MYO7B: variants seen among roughly 807,000 people sequenced by gnomAD.
MYO7B encodes unconventional myosin-VIIb.
A neutral mutation model predicts 259.7 loss-of-function variants in MYO7B; 212 were observed. The ratio of observed to expected loss-of-function variants is 0.82; its 90% CI spans 0.73 to 0.91. The LOEUF is 0.91. MYO7B is among the 40% of genes least tolerant of loss of function. The pLI is 0.00. For missense variants in MYO7B, 2,732 were observed against 2,813.5 expected (o/e 0.97, Z 0.66); for synonymous variants, 1,197 against 1,166.4 (o/e 1.03, Z -0.54).
chr2:127,607,527 C>G lies in MYO7B; in HGVS notation c.2643+103C>G. ...CTGTGTAGAGAGCTCACCAGAAGCG[C>G]TTTGGAAAATCCCCCCGCCCCCGCC... On this transcript the variant is annotated intron_variant, in intron 21 of 47. Coordinates refer to ENST00000409816, the MANE Select transcript of MYO7B (RefSeq NM_001393586.1). This position sits in a 1 kb window ranked among gnomAD's most constrained non-coding sequence, Gnocchi z 4.4. The G allele has an allele frequency of 2.9e-6, 3 of 1,021,948 alleles. No homozygotes were observed. The highest frequency in any genetic ancestry group is 4.2e-6 in the Non-Finnish European group (3 of 708,918). The allele number at this position is 1,021,948 out of a possible 1,614,324, so 63.3% of individuals were successfully genotyped here. A position where few individuals can be genotyped will look rare whatever the true frequency, so the allele number is the denominator to read the frequency against.
In MYO7B at chr2:127,612,325, CA is replaced by C. The variant is rs1291960607; in HGVS notation, c.3269del (p.Gln1090ArgfsTer6). ...GAAGCGGTCCTCCCGGATCACAGGC[CA>C]GGTGAGCCCAGAGCACAGAATCTCT... The part of the protein sequence containing the change: ...KLKRSSRITG[Q>X]VASQLNIGEE... On this transcript the variant is annotated frameshift_variant and splice_region_variant, in exon 25 of 48. Coordinates refer to ENST00000409816, the MANE Select transcript of MYO7B (RefSeq NM_001393586.1). LOFTEE classifies it high-confidence loss of function. The C allele has an allele frequency of 1.8e-6, 2 of 1,103,030 alleles. No individual in the cohort carries two copies. The highest frequency in any genetic ancestry group is 2.7e-6 in the Non-Finnish European group (2 of 752,968). The allele number at this position is 1,103,030 out of a possible 1,614,324, so 68.3% of individuals were successfully genotyped here. A position where few individuals can be genotyped will look rare whatever the true frequency, so the allele number is the denominator to read the frequency against.
intron 31 of MYO7B, chr2:127,625,999 C>T (rs1241984824): frequency 6.4e-6 from 1 of 156,646 alleles, no homozygotes; most frequent in Non-Finnish European, 1.4e-5. Flanking sequence ...AATCACCCTT[C>T]AGATTTGATG....
At position 127,637,547 on chromosome 2, in the gene MYO7B, A is replaced by G. The variant is rs556353881; in HGVS notation, c.*130A>G. On this transcript the variant is annotated 3_prime_UTR_variant, in exon 48 of 48. Coordinates refer to ENST00000409816, the MANE Select transcript of MYO7B (RefSeq NM_001393586.1). ...CCATGCTGCCCCCCATACAAAGCCC[A>G]CTCAGCCCCGCAGGCGGCCCCCTCT... The G allele has an allele frequency of 3.7e-5, 25 of 684,144 alleles. No homozygotes were observed. In the East Asian group the frequency reaches 5.9e-4, roughly 16 times the overall value. 42.4% of individuals were successfully genotyped at this position (684,144 alleles called of 1,614,324 possible).
At position 127,609,010 on chromosome 2, in the gene MYO7B, G is replaced by C; in HGVS notation, c.2814+132G>C. ...GCCAAGTGTGTGCTGCAGCCCTGCT[G>C]GTCCCACACGGAAGAGGGGAGCGTG... On this transcript the variant is annotated intron_variant, in intron 22 of 47. Transcript: ENST00000409816. The surrounding 1 kb of genome is among the most constrained non-coding windows in gnomAD (Gnocchi z 6.9). 1 of 1,219,674 alleles carries C rather than the reference G, an allele frequency of 8.2e-7. No individual in the cohort carries two copies. The highest frequency in any genetic ancestry group is 1.1e-6 in the Non-Finnish European group (1 of 884,404). The allele number at this position is 1,219,674 out of a possible 1,614,324, so 75.6% of individuals were successfully genotyped here.
intron 28 of MYO7B, among the ~76,000 whole-genome samples, chr2:127,622,449 A>T (rs956973505): frequency 2.0e-5 from 3 of 152,188 alleles, no homozygotes; most frequent in African/African-American, 7.2e-5. Context: ...CATGGTTGGC[A>T]TCCTTGGTGG....
chr2:127,545,269 T>C (rs2104802580), intron 1 of MYO7B, among the ~76,000 whole-genome samples: 1 of 152,374 alleles, frequency 6.6e-6, no homozygotes, highest in South Asian at 2.1e-4. Context: ...TGTTATCAAA[T>C]TGTCTTCTAC....
At chr2:127,572,281 T>C (rs1220905774) in intron 6 of MYO7B, among the ~76,000 whole-genome samples, 1 of 152,150 alleles carries the variant, frequency 6.6e-6, no homozygotes, top group African/African-American at 2.4e-5. Context: ...TAGTTGAGCA[T>C]GGTGGCATGC....
In MYO7B at chr2:127,565,330, A is replaced by G; in HGVS notation, c.230A>G (p.Asn77Ser). 6.2e-7 allele frequency: 1 copy of G among 1,614,040 alleles called. No homozygotes were observed. The highest frequency in any genetic ancestry group is 1.1e-5 in the South Asian group (1 of 91,084). ...GACATGATCCGCCTGGGGGACCTGAACGAGGCAGGCATGGTGCACAACCTC... is the reference window on the plus strand; with the variant it reads ...GACATGATCCGCCTGGGGGACCTGAGCGAGGCAGGCATGGTGCACAACCTC... ...VDDMIRLGDLNEAGMVHNLLI... is the reference protein window; with the variant it reads ...VDDMIRLGDLSEAGMVHNLLI... Residue 77 changes from asparagine to serine, a missense_variant, in exon 4 of 48, where the codon AAC (asparagine) becomes AGC (serine). Asn to Ser is a conservative substitution (Grantham distance 46). Transcript: ENST00000409816.
At chr2:127,600,308 C>T (rs1025820343) in intron 19 of MYO7B, among the ~76,000 whole-genome samples, 1 of 152,158 alleles carries the variant, frequency 6.6e-6, no homozygotes, top group Non-Finnish European at 1.5e-5. Flanking sequence ...CCCTTATTAT[C>T]CTCTTGATAT....
intron 17 of MYO7B, 130 bp from the exon 18 acceptor site, chr2:127,593,416 G>A (rs1679644997): frequency 3.5e-6 from 3 of 857,566 alleles, no homozygotes; most frequent in African/African-American, 1.7e-5. Context: ...TTGTGCCTGT[G>A]CCTGGGCGGG....
rs1413343005 is a variant in MYO7B at position 127,590,602 on chromosome 2, C to A, written c.1992+373C>A. On this transcript the variant is annotated intron_variant, in intron 16 of 47. Coordinates refer to ENST00000409816, the MANE Select transcript of MYO7B (RefSeq NM_001393586.1). This position sits in a 1 kb window ranked among gnomAD's most constrained non-coding sequence, Gnocchi z 4.6. ...GTACATGTCCCATATGTAAACCACA[C>A]TCAACAAAGGCAGAAATCAGTAATA... 6.6e-6 allele frequency among the ~76,000 whole-genome samples: 1 copy of A among 152,234 alleles called. No individual in the cohort carries two copies. The highest frequency in any genetic ancestry group is 1.5e-5 in the Non-Finnish European group (1 of 68,050).
intron 6 of MYO7B, among the ~76,000 whole-genome samples, chr2:127,571,727 G>A (rs150329914): frequency 0.055 from 8,400 of 152,020 alleles, 369 homozygotes; most frequent in South Asian, 0.19. Flanking sequence ...TGATCCACCC[G>A]CCTCGGCCTC....
Position 127,636,574 on chromosome 2 carries a change from C to T in MYO7B, c.6153C>T (p.Val2051=), listed in dbSNP as rs1035310604. The T allele has an allele frequency of 1.6e-5, 26 of 1,612,836 alleles. No individual in the cohort carries two copies. The Admixed American group carries it at 2.8e-4, about 18-fold the overall frequency. ...CCTCGGAGCCTTCCTACCCGGACGT[C>T]ATCCTCATCGCCATCAACCGACATG... ...KQTSEPSYPD[V]ILIAINRHGV... is the part of the protein sequence containing the mutation. Residue 2051 remains valine, a synonymous_variant, in exon 46 of 48, where the codon GTC becomes GTT. Transcript: ENST00000409816. This position sits in a 1 kb window ranked among gnomAD's most constrained non-coding sequence, Gnocchi z 4.5.
chr2:127,565,204 C>T lies in MYO7B; in HGVS notation c.133-29C>T, dbSNP rs141312832. The T allele has an allele frequency of 3.7e-4, 588 of 1,606,834 alleles. No homozygotes were observed. In the Middle Eastern group the frequency reaches 3.8e-3, roughly 10 times the overall value. On this transcript the variant is annotated intron_variant, in intron 3 of 47. Transcript: ENST00000409816. Reference sequence around the variant, plus strand: ...CTGGCCATGGGGATGGAGGCCACCCCTCAGGGGAGTCTGCACCCATTGTTC... The same window carrying T: ...CTGGCCATGGGGATGGAGGCCACCCTTCAGGGGAGTCTGCACCCATTGTTC...
Position 127,637,524 on chromosome 2 carries a change from A to G in MYO7B, c.*107A>G, listed in dbSNP as rs978654235. The G allele has an allele frequency of 2.4e-6, 2 of 840,024 alleles. No individual in the cohort carries two copies. Among genetic ancestry groups the G allele is most frequent in the African/African-American group, 1.7e-5 (1 of 58,424 alleles). 52.0% of individuals were successfully genotyped at this position (840,024 alleles called of 1,614,324 possible). A position where few individuals can be genotyped will look rare whatever the true frequency, so the allele number is the denominator to read the frequency against. ...GCCTGTCCTTGGCGGGCAGCCTTCC[A>G]TGCTGCCCCCCATACAAAGCCCACT... On this transcript the variant is annotated 3_prime_UTR_variant, in exon 48 of 48. Transcript: ENST00000409816.
Position 127,586,193 on chromosome 2 carries a change from C to T in MYO7B, c.1690+1280C>T, listed in dbSNP as rs1322558085. ...AAGATTTTTTTAGTGTTAGTTTTTACGTTAGGTCTTTGACCCATTTTGAGT... is the reference window on the plus strand; with the variant it reads ...AAGATTTTTTTAGTGTTAGTTTTTATGTTAGGTCTTTGACCCATTTTGAGT... On this transcript the variant is annotated intron_variant, in intron 14 of 47. Coordinates refer to ENST00000409816, the MANE Select transcript of MYO7B (RefSeq NM_001393586.1). The surrounding 1 kb of genome is among the most constrained non-coding windows in gnomAD (Gnocchi z 4.8). Among the ~76,000 whole-genome samples, 2 of 152,094 alleles carry T rather than the reference C, an allele frequency of 1.3e-5. No homozygotes were observed. Among genetic ancestry groups the T allele is most frequent in the East Asian group, 1.9e-4 (1 of 5,204 alleles).
chr2:127,635,988 C>A lies in MYO7B; in HGVS notation c.6006+81C>A, dbSNP rs1681780746. On this transcript the variant is annotated intron_variant, in intron 44 of 47. Transcript: ENST00000409816. ...GCACCAGTGCCATGCCCTGCCTGGG[C>A]TCCAAGATCACATGGGTGCACATGG... 3 of 1,481,842 alleles carry A rather than the reference C, an allele frequency of 2.0e-6. No homozygotes were observed. The Admixed American group carries it at 6.4e-5, about 32-fold the overall frequency. 91.8% of individuals were successfully genotyped at this position (1,481,842 alleles called of 1,614,324 possible).
chr2:127,593,623 G>A lies in MYO7B; in HGVS notation c.2223G>A (p.Gly741=), dbSNP rs779120341. Reference sequence around the variant, plus strand: ...GGACAGACAAAGACTGGAAAGCGGGGAAGACAAAAATTTTCCTGAGGGTGA... The same window carrying A: ...GGACAGACAAAGACTGGAAAGCGGGAAAGACAAAAATTTTCCTGAGGGTGA... ...WLRTDKDWKA[G]KTKIFLRDHQ... Residue 741 remains glycine (G), a synonymous_variant, in exon 18 of 48, where the codon GGG becomes GGA. Transcript: ENST00000409816. The A allele has an allele frequency of 8.7e-6, 14 of 1,613,584 alleles. No homozygotes were observed. Among genetic ancestry groups the A allele is most frequent in the East Asian group, 4.5e-5 (2 of 44,890 alleles).
At chr2:127,608,473 C>T (rs1471828390) in intron 21 of MYO7B, among the ~76,000 whole-genome samples, 1 of 152,242 alleles carries the variant, frequency 6.6e-6, no homozygotes, top group Non-Finnish European at 1.5e-5. Flanking sequence ...AGCCAGCAAC[C>T]TCACCTCTCC....
Sources: gnomAD v4.1 joint callset for allele counts (sites outside exome capture counted in the v4.1 genomes callset) on GRCh38, gnomAD v4.1.1 for gene constraint, Gnocchi (gnomAD v3.1) non-coding constraint, MANE v1.5 for transcripts, NCBI Gene and HGNC (gene_info 2026-07-23, HGNC 2026-07-21) for gene names.